The following DCAF17 variants were observed in gnomAD, a reference collection of about 807,000 sequenced individuals.
DCAF17 encodes DDB1- and CUL4-associated factor 17.
In DCAF17, 48 loss-of-function variants were observed where a neutral mutation model predicts 66.0. The ratio of observed to expected loss-of-function variants is 0.73; its 90% confidence interval spans 0.58 to 0.92. The LOEUF (loss-of-function observed/expected upper bound fraction) is 0.92, where lower values mean the gene tolerates loss of function less well. Ranked by LOEUF, DCAF17 falls within the 40% of genes least tolerant of loss-of-function variation. DCAF17 has a pLI of 0.00. For synonymous variants in DCAF17, 206 were observed against 214.6 expected, an observed-to-expected ratio of 0.96 and a Z score of 0.35; for missense variants, 562 against 622.8, an observed-to-expected ratio of 0.90 and a Z score of 1.04.
rs1301296084 is a variant in DCAF17, at chr2:171,434,436, C to T, written c.-142C>T. ...GCCCCGCCGTCGGGTGCTCCCTGCC[C>T]GCCTCCCCGTGTCAGCTTTCCCTGG... On this transcript the variant is annotated 5_prime_UTR_variant, in exon 1 of 14. Transcript: ENST00000375255. 2.1e-6 allele frequency: 3 copies of T among 1,429,334 alleles called. No individual in the cohort carries two copies. Among genetic ancestry groups the T allele is most frequent in the Admixed American group, 2.0e-5 (1 of 50,410 alleles). 88.5% of individuals were successfully genotyped at this position (1,429,334 alleles called of 1,614,324 possible). A position where few individuals can be genotyped will look rare whatever the true frequency, so the allele number is the denominator to read the frequency against.
intron 3 of DCAF17, 23 bp downstream of exon 3, chr2:171,443,636 T>C: frequency 6.3e-7 from 1 of 1,591,846 alleles, no homozygotes; most frequent in Non-Finnish European, 8.6e-7. Flanking sequence ...TTTAGAGCGT[T>C]TGTTTCTAAA....
Position 171,443,560 on chromosome 2 carries a change from A to G in DCAF17, c.268A>G (p.Lys90Glu), listed in dbSNP as rs1484470415. ...SEPRKLYEMP[K>E]CSKSEKIEDA... Reference sequence around the variant, plus strand: ...GCCAAGAAAACTTTATGAAATGCCAAAATGTTCCAAATCAGAAAAAATAGA... The same window carrying G: ...GCCAAGAAAACTTTATGAAATGCCAGAATGTTCCAAATCAGAAAAAATAGA... Residue 90 changes from lysine (K) to glutamate (E), a missense_variant, in exon 3 of 14, where the codon AAA becomes GAA. This residue lies in a region of DCAF17 where 348 missense variants were observed against 355.9 expected (regional missense o/e 0.98). Coordinates refer to ENST00000375255, the MANE Select transcript of DCAF17 (RefSeq NM_025000.4). 1.9e-6 allele frequency: 3 copies of G among 1,613,160 alleles called. No individual in the cohort carries two copies. The South Asian group carries it at 3.3e-5, about 18-fold the overall frequency.
intron 8 of DCAF17, among the ~76,000 whole-genome samples, chr2:171,460,322 CAAAAAAAA>C (rs770720263): frequency 2.6e-5 from 2 of 76,976 alleles, no homozygotes; most frequent in African/African-American, 1.0e-4. Context: ...GATTCCATCT[CAAAAAAAA>C]AAAAAAAAAA....
intron 2 of DCAF17, among the ~76,000 whole-genome samples, chr2:171,436,739 C>T (rs1288515373): frequency 2.1e-5 from 3 of 144,334 alleles, no homozygotes; most frequent in Non-Finnish European, 4.6e-5. Flanking sequence ...TGTCTTTTTA[C>T]TTTCCTGATG....
At chr2:171,458,624 A>T in intron 8 of DCAF17, 147 bp downstream of exon 8, 1 of 672,242 alleles carries the variant, frequency 1.5e-6, no homozygotes, top group South Asian at 1.9e-5. Flanking sequence ...CTTGCTATTC[A>T]ATAATGAATA....
chr2:171,474,089 T>C, intron 10 of DCAF17, 114 bp downstream of exon 10: 1 of 820,738 alleles, frequency 1.2e-6, no homozygotes, highest in South Asian at 1.5e-5. Flanking sequence ...ATTAGCTTGT[T>C]GTTGGGTGCT....
intron 2 of DCAF17, among the ~76,000 whole-genome samples, chr2:171,439,766 A>G (rs192086208): frequency 2.0e-5 from 3 of 151,974 alleles, no homozygotes; most frequent in Admixed American, 1.3e-4. Flanking sequence ...CATCTCTACT[A>G]AAAAAACAAA....
rs1272703595 is a variant in DCAF17 at position 171,476,894 on chromosome 2, T to C, written c.1126T>C (p.Ser376Pro). ...GCTAACTGAAATAGAAAATAATAGT[T>C]CTCAGCATCAGATCTCTGAAGATTT... ...LKLTEIENNS[S>P]QHQISEDFVI... Residue 376 changes from serine (S) to proline (P), a missense_variant, in exon 11 of 14, where the codon TCT becomes CCT. Around this residue, in one of 3 missense-constraint regions of DCAF17, gnomAD observed 201 missense variants for 231.1 expected, o/e 0.87. Transcript: ENST00000375255. The C allele has an allele frequency of 6.2e-7, 1 of 1,613,708 alleles. No homozygotes were observed. The highest frequency in any genetic ancestry group is 8.5e-7 in the Non-Finnish European group (1 of 1,179,848).
chr2:171,479,829 G>GAAA, intron 12 of DCAF17: 3 of 539,184 alleles, frequency 5.6e-6, no homozygotes, highest in Non-Finnish European at 3.3e-6. Flanking sequence ...CAAATCTGTA[G>GAAA]GATACTGCTT....
In DCAF17 at chr2:171,476,888, A is replaced by G; in HGVS notation, c.1120A>G (p.Asn374Asp). The G allele has an allele frequency of 6.2e-7, 1 of 1,613,750 alleles. No individual in the cohort carries two copies. The highest frequency in any genetic ancestry group is 8.5e-7 in the Non-Finnish European group (1 of 1,179,792). Reference sequence around the variant, plus strand: ...TTTGAAGCTAACTGAAATAGAAAATAATAGTTCTCAGCATCAGATCTCTGA... The same window carrying G: ...TTTGAAGCTAACTGAAATAGAAAATGATAGTTCTCAGCATCAGATCTCTGA... ...KVLKLTEIEN[N>D]SSQHQISEDF... The change falls in exon 11 of 14, where the codon AAT becomes GAT. Residue 374 changes from asparagine to aspartate, a missense_variant. Around this residue, in one of 3 missense-constraint regions of DCAF17, gnomAD observed 201 missense variants for 231.1 expected, o/e 0.87. Transcript: ENST00000375255.
At chr2:171,444,584 T>G (rs1180296309) in intron 3 of DCAF17, among the ~76,000 whole-genome samples, 1 of 152,124 alleles carries the variant, frequency 6.6e-6, no homozygotes, top group Non-Finnish European at 1.5e-5. Context: ...CCAAAGAAAT[T>G]CAAATCTGAA....
Position 171,484,784 on chromosome 2 carries a change from T to G in DCAF17, c.*3670T>G, listed in dbSNP as rs1461040359. On this transcript the variant is annotated 3_prime_UTR_variant, in exon 14 of 14. Coordinates refer to ENST00000375255, the MANE Select transcript of DCAF17 (RefSeq NM_025000.4). Reference sequence around the variant, plus strand: ...CCTCAGGTATAACTACTGTTCTCATTCTTTTATATCAAAGGTTAAATTTAC... The same window carrying G: ...CCTCAGGTATAACTACTGTTCTCATGCTTTTATATCAAAGGTTAAATTTAC... 2.2e-6 allele frequency: 1 copy of G among 454,082 alleles called. No individual in the cohort carries two copies. Among genetic ancestry groups the G allele is most frequent in the South Asian group, 1.6e-5 (1 of 64,466 alleles). The allele number at this position is 454,082 out of a possible 1,614,324, so 28.1% of individuals were successfully genotyped here.
At chr2:171,468,184 T>TG in intron 8 of DCAF17, among the ~76,000 whole-genome samples, 1 of 152,172 alleles carries the variant, frequency 6.6e-6, no homozygotes, top group African/African-American at 2.4e-5. Flanking sequence ...AAATTTCTCT[T>TG]GGTGCTTTTT....
intron 2 of DCAF17, among the ~76,000 whole-genome samples, chr2:171,440,118 C>T (rs554370577): frequency 1.1e-4 from 17 of 152,280 alleles, no homozygotes; most frequent in Middle Eastern, 6.8e-3. Flanking sequence ...CACATACCAT[C>T]GCACCTGGCT....
chr2:171,477,086 C>A, intron 11 of DCAF17, 136 bp downstream of exon 11: 2 of 676,680 alleles, frequency 3.0e-6, no homozygotes, highest in Non-Finnish European at 5.2e-6. Flanking sequence ...ATTTTGTCTA[C>A]ATGGGTAGCC....
chr2:171,464,495 C>T (rs1695780916), intron 8 of DCAF17, among the ~76,000 whole-genome samples: 1 of 152,160 alleles, frequency 6.6e-6, no homozygotes, highest in Admixed American at 6.5e-5. Context: ...CTTATAAGGA[C>T]ACCAGTCATT....
intron 9 of DCAF17, among the ~76,000 whole-genome samples, chr2:171,472,654 C>G (rs1696311301): frequency 6.6e-6 from 1 of 152,130 alleles, no homozygotes; most frequent in African/African-American, 2.4e-5. Context: ...CTCACAATAA[C>G]TGCGTTATTA....
At chr2:171,435,869 G>A (rs991083603) in intron 2 of DCAF17, among the ~76,000 whole-genome samples, 1 of 152,032 alleles carries the variant, frequency 6.6e-6, no homozygotes, top group Non-Finnish European at 1.5e-5. Flanking sequence ...CCCATTTAAA[G>A]TGTACAGTTC....
At chr2:171,440,862 G>A (rs1005560498) in intron 2 of DCAF17, among the ~76,000 whole-genome samples, 2 of 152,088 alleles carry the variant, frequency 1.3e-5, no homozygotes, top group African/African-American at 2.4e-5. Flanking sequence ...ATTCTCTGAT[G>A]GATCTAAGAA....
Sources: gnomAD v4.1 joint callset for allele counts (sites outside exome capture counted in the v4.1 genomes callset) on GRCh38, gnomAD v4.1.1 for gene constraint, gnomAD v4.1.1 regional missense constraint, MANE v1.5 for transcripts, NCBI Gene and HGNC (gene_info 2026-07-23, HGNC 2026-07-21) for gene names.